Variants in RIMS1 observed in about 807,000 individuals in gnomAD.
The protein encoded by RIMS1 is regulating synaptic membrane exocytosis protein 1.
RIMS1 carries 83 observed loss-of-function variants against 214.1 expected under a neutral mutation model. The ratio of observed to expected loss-of-function variants is 0.39; its 90% CI spans 0.32 to 0.47. RIMS1 has a LOEUF of 0.47. Ranked by LOEUF, RIMS1 falls within the 20% of genes least tolerant of loss-of-function variation. The pLI is 0.99. For synonymous variants in RIMS1, 793 were observed against 786.8 expected, an observed-to-expected ratio of 1.01 and a Z score of -0.13; for missense variants, 2,050 against 2,161.8, an observed-to-expected ratio of 0.95 and a Z score of 1.03.
At chr6:72,177,479 T>A (rs2047872380) in intron 4 of RIMS1, among the ~76,000 whole-genome samples, 1 of 152,130 alleles carries the variant, frequency 6.6e-6, no homozygotes, top group East Asian at 1.9e-4. Context: ...CTCGAACTCC[T>A]GACCTCAGAA....
At chr6:72,013,086 A>G (rs374188380) in intron 2 of RIMS1, among the ~76,000 whole-genome samples, 1 of 152,322 alleles carries the variant, frequency 6.6e-6, no homozygotes, top group East Asian at 1.9e-4. Flanking sequence ...TTTTATCCCA[A>G]TGACTCTTAA....
At chr6:71,945,751 C>CTTTT (rs397776439) in intron 1 of RIMS1, among the ~76,000 whole-genome samples, 3 of 143,612 alleles carry the variant, frequency 2.1e-5, no homozygotes, top group Non-Finnish European at 4.6e-5. Context: ...ATGATGTAAT[C>CTTTT]TTTTTTTTTT....
intron 4 of RIMS1, among the ~76,000 whole-genome samples, chr6:72,146,953 G>A (rs1041995975): frequency 6.6e-6 from 1 of 152,036 alleles, no homozygotes; most frequent in Non-Finnish European, 1.5e-5. Flanking sequence ...ATAATCAGGG[G>A]CATGGTTAAC....
chr6:72,110,010 T>G (rs1447313265), intron 4 of RIMS1, among the ~76,000 whole-genome samples: 4 of 152,054 alleles, frequency 2.6e-5, no homozygotes, highest in South Asian at 2.1e-4. Flanking sequence ...TCAGATAGTT[T>G]TAGATATGTG....
At chr6:72,044,507 A>G (rs1293781917) in intron 2 of RIMS1, among the ~76,000 whole-genome samples, 1 of 151,876 alleles carries the variant, frequency 6.6e-6, no homozygotes, top group Non-Finnish European at 1.5e-5. Context: ...TATACCAAAA[A>G]TAACTAAATA....
chr6:72,187,105 G>A lies in RIMS1; in HGVS notation c.1678+3956G>A, dbSNP rs560334395. Among the ~76,000 whole-genome samples, 51 of 152,176 alleles carry A rather than the reference G, an allele frequency of 3.4e-4. No individual in the cohort carries two copies. The South Asian group carries it at 7.7e-3, about 23-fold the overall frequency. ...TGTGCCACTGCACTCCAGCCTGGGC[G>A]ATAGAGCGAGACCCCGTCAAGAAGG... On this transcript the variant is annotated intron_variant, in intron 6 of 33. Coordinates refer to ENST00000521978, the MANE Select transcript of RIMS1 (RefSeq NM_014989.7).
At chr6:72,053,758 T>G (rs1825362021) in intron 2 of RIMS1, among the ~76,000 whole-genome samples, 1 of 152,054 alleles carries the variant, frequency 6.6e-6, no homozygotes, top group Admixed American at 6.6e-5. Flanking sequence ...TTTACAAAAC[T>G]TAAGAGTAGA....
intron 2 of RIMS1, among the ~76,000 whole-genome samples, chr6:72,046,870 TA>T (rs1289022177): frequency 2.0e-5 from 3 of 152,148 alleles, no homozygotes; most frequent in Non-Finnish European, 4.4e-5. Flanking sequence ...TAGTGTTATA[TA>T]AAAAACTACA....
chr6:72,346,903 T>C (rs2097284149), intron 29 of RIMS1, among the ~76,000 whole-genome samples: 1 of 151,746 alleles, frequency 6.6e-6, no homozygotes, highest in African/African-American at 2.4e-5. Flanking sequence ...TACTGTCTAG[T>C]CCTTTAAGGA....
chr6:72,284,681 T>G (rs2091654497), intron 24 of RIMS1, among the ~76,000 whole-genome samples: 1 of 14,726 alleles, frequency 6.8e-5, no homozygotes, highest in Admixed American at 1.2e-3. Flanking sequence ...TACAACATAT[T>G]GACACTTTTT....
At chr6:72,063,917 G>A (rs1316857194) in intron 2 of RIMS1, among the ~76,000 whole-genome samples, 1 of 152,144 alleles carries the variant, frequency 6.6e-6, no homozygotes, top group Non-Finnish European at 1.5e-5. Context: ...TTGGCTTGTA[G>A]ATCACTATCT....
intron 2 of RIMS1, among the ~76,000 whole-genome samples, chr6:72,081,875 A>G (rs888924565): frequency 6.6e-6 from 1 of 152,218 alleles, no homozygotes; most frequent in African/African-American, 2.4e-5. Context: ...TAGGTTTTAT[A>G]TGCATATTAA....
Position 71,938,201 on chromosome 6 carries a change from C to G in RIMS1, c.165-30782C>G, listed in dbSNP as rs148772340. On this transcript the variant is annotated intron_variant, in intron 1 of 33. Coordinates refer to ENST00000521978, the MANE Select transcript of RIMS1 (RefSeq NM_014989.7). Reference sequence around the variant, plus strand: ...CTCCTTTGACTCCATGTCCCACATCCAGGTCACACTGAGGGGGTAGGTTGG... The same window carrying G: ...CTCCTTTGACTCCATGTCCCACATCGAGGTCACACTGAGGGGGTAGGTTGG... Among the ~76,000 whole-genome samples, 515 of 152,320 alleles carry G rather than the reference C, an allele frequency of 3.4e-3. 1 individual carries two copies. The highest frequency in any genetic ancestry group is 5.6e-3 in the Non-Finnish European group (384 of 68,028).
chr6:71,896,875 C>G (rs1219878232), intron 1 of RIMS1, among the ~76,000 whole-genome samples: 1 of 152,042 alleles, frequency 6.6e-6, no homozygotes, highest in Non-Finnish European at 1.5e-5. Flanking sequence ...ATATGCAGTT[C>G]CTTGTGTATC....
At chr6:72,385,201 A>T (rs1745579405) in intron 29 of RIMS1, among the ~76,000 whole-genome samples, 1 of 152,206 alleles carries the variant, frequency 6.6e-6, no homozygotes, top group Non-Finnish European at 1.5e-5. Context: ...AAGGTTAATG[A>T]TTCTTCAATG....
chr6:72,264,883 C>G (rs1326331916), intron 19 of RIMS1, 92 bp from the exon 20 acceptor site: 1 of 739,184 alleles, frequency 1.4e-6, no homozygotes. Context: ...ATCTATATAG[C>G]TTTATAGGCC....
chr6:72,090,215 C>A (rs1835855321), intron 2 of RIMS1, among the ~76,000 whole-genome samples: 3 of 151,976 alleles, frequency 2.0e-5, no homozygotes, highest in African/African-American at 7.3e-5. Context: ...CTTTGTTGCC[C>A]AGGCATTTCT....
chr6:72,021,781 T>C (rs952842612), intron 2 of RIMS1, among the ~76,000 whole-genome samples: 1 of 152,140 alleles, frequency 6.6e-6, no homozygotes, highest in African/African-American at 2.4e-5. Flanking sequence ...TTCCCAAGTT[T>C]TCTCATGGTC....
At chr6:72,225,703 G>C (rs1411005480) in intron 6 of RIMS1, among the ~76,000 whole-genome samples, 1 of 152,268 alleles carries the variant, frequency 6.6e-6, no homozygotes, top group Middle Eastern at 3.4e-3. Flanking sequence ...TCTCCCACGT[G>C]AATGGAATAC....
Sources: gnomAD v4.1 joint callset for allele counts (sites outside exome capture counted in the v4.1 genomes callset) on GRCh38, gnomAD v4.1.1 for gene constraint, MANE v1.5 for transcripts, NCBI Gene and HGNC (gene_info 2026-07-23, HGNC 2026-07-21) for gene names.